ME3: variants seen among roughly 807,000 people sequenced by gnomAD.
ME3 encodes malic enzyme 3.
ME3 carries 48 observed loss-of-function variants against 68.9 expected under a neutral mutation model. That is an observed-to-expected ratio of 0.70 (90% CI 0.55 to 0.89). The LOEUF (loss-of-function observed/expected upper bound fraction) is 0.89, where lower values mean the gene tolerates loss of function less well. Among genes scored for constraint, ME3 ranks in the 40% least tolerant of loss-of-function variants. The pLI is 0.00. For synonymous variants in ME3, 320 were observed against 318.8 expected (o/e 1.00, Z -0.04); for missense variants, 675 against 797.4 (o/e 0.85, Z 1.85).
chr11:86,542,234 A>C (rs1402209065), intron 4 of ME3, among the ~76,000 whole-genome samples: 7 of 152,228 alleles, frequency 4.6e-5, no homozygotes. Context: ...TCCAAAAACC[A>C]GAATGCCTCT....
At chr11:86,572,366 A>G (rs1027671098) in intron 2 of ME3, among the ~76,000 whole-genome samples, 2 of 151,982 alleles carry the variant, frequency 1.3e-5, no homozygotes. Context: ...TCCTGCACCT[A>G]TCAACCCATC....
intron 2 of ME3, chr11:86,667,596 CAG>C (rs781610493): frequency 5.9e-5 from 9 of 152,302 alleles, no homozygotes; most frequent in Non-Finnish European, 1.0e-4. Context: ...TGTGACAAGA[CAG>C]AGTGTCTGTC....
At chr11:86,562,549 C>T (rs1166660493) in intron 2 of ME3, among the ~76,000 whole-genome samples, 1 of 152,154 alleles carries the variant, frequency 6.6e-6, no homozygotes, top group Admixed American at 6.5e-5. Flanking sequence ...TCTCCAGCAA[C>T]TGGTATTGTC....
At chr11:86,642,437 C>G (rs920060599) in intron 2 of ME3, among the ~76,000 whole-genome samples, 3 of 152,234 alleles carry the variant, frequency 2.0e-5, no homozygotes, top group African/African-American at 7.2e-5. Flanking sequence ...TGCTTTCCAT[C>G]TATTTTGGGA....
intron 10 of ME3, among the ~76,000 whole-genome samples, chr11:86,448,791 G>A (rs1159225510): frequency 6.6e-6 from 1 of 152,216 alleles, no homozygotes; most frequent in Non-Finnish European, 1.5e-5. Flanking sequence ...ATGGAAGTTG[G>A]TAGGTGACAG....
chr11:86,535,303 C>G (rs1226728751), intron 4 of ME3, among the ~76,000 whole-genome samples: 4 of 152,202 alleles, frequency 2.6e-5, no homozygotes, highest in African/African-American at 9.7e-5. Flanking sequence ...GCCAACATCA[C>G]ATCTATGTCG....
chr11:86,505,263 G>C (rs571473740), intron 5 of ME3, among the ~76,000 whole-genome samples: 1 of 152,120 alleles, frequency 6.6e-6, no homozygotes, highest in Non-Finnish European at 1.5e-5. Context: ...TAGGGGTGGG[G>C]GGGGAGGAAC....
At chr11:86,613,454 T>C (rs1172743412) in intron 2 of ME3, among the ~76,000 whole-genome samples, 1 of 152,172 alleles carries the variant, frequency 6.6e-6, no homozygotes, top group African/African-American at 2.4e-5. Context: ...AACATAGTAT[T>C]GGAAGTTCCG....
chr11:86,585,978 A>G, intron 2 of ME3, among the ~76,000 whole-genome samples: 1 of 152,192 alleles, frequency 6.6e-6, no homozygotes, highest in African/African-American at 2.4e-5. Flanking sequence ...ATGACTGAAA[A>G]CGATCTACTG....
At chr11:86,461,321 A>G (rs1390479357) in intron 8 of ME3, among the ~76,000 whole-genome samples, 1 of 152,032 alleles carries the variant, frequency 6.6e-6, no homozygotes, top group South Asian at 2.1e-4. Flanking sequence ...CCAGTGAGGG[A>G]GGGGGGGATG....
rs143144428 is a variant in ME3, at chr11:86,660,540, T to C, written c.183+11222A>G. On this transcript the variant is annotated intron_variant, in intron 2 of 14. Transcript: ENST00000543262. ...AGAGAAATATCCCATATCTAGAGAA[T>C]GGCAGAGATGGGATTGGAATCTTAG... 3.6e-3 allele frequency among the ~76,000 whole-genome samples: 543 copies of C among 152,354 alleles called. 2 individuals are homozygous for C. The highest frequency in any genetic ancestry group is 0.012 in the African/African-American group (516 of 41,584).
chr11:86,521,078 C>T (rs535528186), intron 4 of ME3, among the ~76,000 whole-genome samples: 18 of 152,176 alleles, frequency 1.2e-4, no homozygotes, highest in Non-Finnish European at 2.5e-4. Flanking sequence ...TCCACCGAAT[C>T]TCCATTGCTT....
rs926001001 is a variant in ME3 at position 86,652,843 on chromosome 11, G to A, written c.183+18919C>T. 4.6e-5 allele frequency among the ~76,000 whole-genome samples: 7 copies of A among 151,710 alleles called. 1 individual carries two copies. The highest frequency in any genetic ancestry group is 2.6e-4 in the Admixed American group (4 of 15,212). ...AGACCCATCAGTGTGCTGTATTCAG[G>A]AAACCCATCTCACGTGCAGAGACAC... On this transcript the variant is annotated intron_variant, in intron 2 of 14. Transcript: ENST00000543262.
chr11:86,565,802 G>T lies in ME3; in HGVS notation c.184-5979C>A, dbSNP rs184455184. On this transcript the variant is annotated intron_variant, in intron 2 of 14. Transcript: ENST00000543262. ...TCTTGGCAGTGTCTTTCACAGACCA[G>T]CATTTTCTAGTTTGAATGCTGGGGA... is the stretch of plus-strand genomic sequence containing the variant. Among the ~76,000 whole-genome samples the T allele has an allele frequency of 1.4e-3, 220 of 152,284 alleles. 3 individuals are homozygous for T. Among genetic ancestry groups the T allele is most frequent in the Admixed American group, 0.013 (198 of 15,292 alleles).
At chr11:86,581,791 G>T (rs1958455446) in intron 2 of ME3, among the ~76,000 whole-genome samples, 3 of 152,214 alleles carry the variant, frequency 2.0e-5, no homozygotes, top group African/African-American at 7.2e-5. Context: ...AGTCACCCTG[G>T]ATTCCTCACC....
chr11:86,651,419 C>G (rs1594786610), intron 2 of ME3, among the ~76,000 whole-genome samples: 1 of 152,338 alleles, frequency 6.6e-6, no homozygotes, highest in African/African-American at 2.4e-5. Flanking sequence ...GATCAGGCAG[C>G]AACATTTGCT....
intron 2 of ME3, among the ~76,000 whole-genome samples, chr11:86,564,804 A>C (rs1957400589): frequency 6.6e-6 from 1 of 152,198 alleles, no homozygotes; most frequent in African/African-American, 2.4e-5. Context: ...CTTAGCTATG[A>C]CACCAAAAGG....
At chr11:86,521,431 AAAT>A (rs1555221578) in intron 4 of ME3, among the ~76,000 whole-genome samples, 1,951 of 145,974 alleles carry the variant, frequency 0.013, 108 homozygotes, top group Middle Eastern at 0.017. Flanking sequence ...AACAAAACAA[AAAT>A]AATAATAATA....
intron 7 of ME3, 35 bp downstream of exon 7, chr11:86,487,302 G>A (rs759838552): frequency 6.4e-7 from 1 of 1,564,132 alleles, no homozygotes; most frequent in Non-Finnish European, 8.8e-7. Flanking sequence ...TCTCTTAAAA[G>A]TCCTCTTTCA....
Sources: gnomAD v4.1 joint callset for allele counts (sites outside exome capture counted in the v4.1 genomes callset) on GRCh38, gnomAD v4.1.1 for gene constraint, MANE v1.5 for transcripts, NCBI Gene and HGNC (gene_info 2026-07-23, HGNC 2026-07-21) for gene names.